Variants in DRG1 observed in about 807,000 individuals in gnomAD.
The protein encoded by DRG1 is developmentally regulated GTP binding protein 1.
Under a neutral mutation model 38.8 loss-of-function variants are expected in DRG1, and 19 were observed. The ratio of observed to expected loss-of-function variants is 0.49; its 90% CI spans 0.34 to 0.72. DRG1 has a LOEUF of 0.72. Among genes scored for constraint, DRG1 ranks in the 30% least tolerant of loss-of-function variants. The pLI is 0.01. For synonymous variants in DRG1, 167 were observed against 157.5 expected (o/e 1.06, Z -0.45); for missense variants, 299 against 444.8 (o/e 0.67, Z 2.95).
At chr22:31,431,347 G>A (rs2050138797) in intron 8 of DRG1, among the ~76,000 whole-genome samples, 3 of 151,836 alleles carry the variant, frequency 2.0e-5, no homozygotes, top group Admixed American at 1.3e-4. Flanking sequence ...TTTTTTTTCT[G>A]AATAGGAAAA....
At chr22:31,430,827 TCCTA>T (rs1354529187) in intron 8 of DRG1, among the ~76,000 whole-genome samples, 2 of 151,752 alleles carry the variant, frequency 1.3e-5, no homozygotes, top group African/African-American at 4.8e-5. Flanking sequence ...CAAGCGATCC[TCCTA>T]CCTCAGTTTC....
chr22:31,408,016 C>T (rs2049998495), intron 3 of DRG1, among the ~76,000 whole-genome samples: 2 of 150,320 alleles, frequency 1.3e-5, no homozygotes, highest in Non-Finnish European at 3.0e-5. Context: ...ATCCCAGCTA[C>T]TCGGGAGGCT....
At position 31,409,398 on chromosome 22, in the gene DRG1, A is replaced by AT. The variant is rs557155015; in HGVS notation, c.343-1608dup. On this transcript the variant is annotated intron_variant, in intron 3 of 8. Transcript: ENST00000331457. ...GTTACTGGGCCCAGCCTGAGCAGTCATTTTTTACTGGGGACATACATCAGA... is the reference window on the plus strand; with the variant it reads ...GTTACTGGGCCCAGCCTGAGCAGTCATTTTTTTACTGGGGACATACATCAGA... 3.5e-4 allele frequency among the ~76,000 whole-genome samples: 54 copies of AT among 152,130 alleles called. No individual in the cohort carries two copies. The South Asian group carries it at 0.011, about 30-fold the overall frequency.
intron 8 of DRG1, among the ~76,000 whole-genome samples, chr22:31,432,819 A>G (rs867174336): frequency 6.6e-6 from 1 of 152,130 alleles, no homozygotes; most frequent in Non-Finnish European, 1.5e-5. Flanking sequence ...TCAGCCTCCC[A>G]AAGTGCTGGA....
intron 2 of DRG1, 83 bp from the exon 3 acceptor site, chr22:31,402,946 C>A: frequency 7.0e-7 from 1 of 1,432,786 alleles, no homozygotes; most frequent in South Asian, 1.4e-5. Context: ...GAGGGATAGG[C>A]AGTAAAAATG....
At chr22:31,403,803 C>T (rs1395241401) in intron 3 of DRG1, among the ~76,000 whole-genome samples, 1 of 151,850 alleles carries the variant, frequency 6.6e-6, no homozygotes, top group Non-Finnish European at 1.5e-5. Context: ...TTTTAATGAC[C>T]CTTTTTCCAG....
At position 31,426,719 on chromosome 22, in the gene DRG1, A is replaced by G. The variant is rs936122853; in HGVS notation, c.818A>G (p.His273Arg). 4 of 1,614,098 alleles carry G rather than the reference A, an allele frequency of 2.5e-6. No individual in the cohort carries two copies. Among genetic ancestry groups the G allele is most frequent in the Non-Finnish European group, 2.5e-6 (3 of 1,180,050 alleles). The change falls in exon 7 of 9, where the codon CAT becomes CGT. Residue 273 changes from histidine to arginine, a missense_variant. Coordinates refer to ENST00000331457, the MANE Select transcript of DRG1 (RefSeq NM_004147.4). ...CCTCACTGTGTACCCATCTCTGCCC[A>G]TCACCGCTGGAATTTTGATGACCTA... ...KVPHCVPISAHHRWNFDDLLE... is the reference protein window; with the variant it reads ...KVPHCVPISARHRWNFDDLLE...
intron 8 of DRG1, among the ~76,000 whole-genome samples, chr22:31,431,189 C>CATG (rs1304709913): frequency 6.6e-6 from 1 of 151,874 alleles, no homozygotes; most frequent in African/African-American, 2.4e-5. Flanking sequence ...TGCCTGCCAC[C>CATG]ATGCCTGGCT....
In DRG1 at chr22:31,399,608, G is replaced by A; in HGVS notation, c.-76G>A. ...AGTACCGCGCCTGCGTGCTGCAGTA[G>A]CGCCTGGTGGCGGTGGCAGTTTGCC... On this transcript the variant is annotated 5_prime_UTR_variant, in exon 1 of 9. Transcript: ENST00000331457. 6.2e-7 allele frequency: 1 copy of A among 1,600,792 alleles called. No individual in the cohort carries two copies.
intron 3 of DRG1, among the ~76,000 whole-genome samples, chr22:31,408,506 G>T (rs1380813608): frequency 6.6e-6 from 1 of 151,714 alleles, no homozygotes; most frequent in Non-Finnish European, 1.5e-5. Context: ...CCAGCACTTT[G>T]GGAGACTGAC....
In DRG1 at chr22:31,420,313, A is replaced by G; in HGVS notation, c.470A>G (p.His157Arg). The change falls in exon 5 of 9, where the codon CAT (histidine) becomes CGT (arginine). Residue 157 changes from histidine (H) to arginine (R), a missense_variant. Coordinates refer to ENST00000331457, the MANE Select transcript of DRG1 (RefSeq NM_004147.4). ...CTGGATGTCCTGAAACCTTTGGGAC[A>G]TAAGAAGATAATTGAAAATGAGCTG... ...IVLDVLKPLGHKKIIENELEG... is the reference protein window; with the variant it reads ...IVLDVLKPLGRKKIIENELEG... 6.2e-7 allele frequency: 1 copy of G among 1,614,200 alleles called. No individual in the cohort carries two copies. Among genetic ancestry groups the G allele is most frequent in the Non-Finnish European group, 8.5e-7 (1 of 1,180,040 alleles).
chr22:31,407,978 T>C lies in DRG1; in HGVS notation c.343-3034T>C, dbSNP rs571938889. 4.0e-5 allele frequency among the ~76,000 whole-genome samples: 6 copies of C among 149,470 alleles called. No individual in the cohort carries two copies. The South Asian group carries it at 1.3e-3, about 32-fold the overall frequency. On this transcript the variant is annotated intron_variant, in intron 3 of 8. Coordinates refer to ENST00000331457, the MANE Select transcript of DRG1 (RefSeq NM_004147.4). ...TCTACTAAAAATACACAAAAAAAAT[T>C]AGTGGGGCATGGTGGCGGGCACCTG...
rs2050070054 is a variant in DRG1 at position 31,420,383 on chromosome 22, C to T, written c.540C>T (p.Gly180=). 1 of 1,614,042 alleles carries T rather than the reference C, an allele frequency of 6.2e-7. No individual in the cohort carries two copies. The highest frequency in any genetic ancestry group is 8.5e-7 in the Non-Finnish European group (1 of 1,180,044). ...IRLNSKPPNI[G]FKKKDKGGIN... ...TGAACAGCAAACCCCCCAACATTGG[C>T]TTTAAGAAGAAGGACAAGGGAGGCA... is the stretch of plus-strand genomic sequence containing the variant. The change falls in exon 5 of 9, where the codon GGC becomes GGT. Residue 180 remains glycine, a synonymous_variant. Coordinates refer to ENST00000331457, the MANE Select transcript of DRG1 (RefSeq NM_004147.4).
chr22:31,427,117 C>T lies in DRG1; in HGVS notation c.939C>T (p.Tyr313=), dbSNP rs1332768598. The part of the protein sequence containing the change: ...PDYTSPVVLP[Y]SRTTVEDFCM... Reference sequence around the variant, plus strand: ...ACACATCCCCAGTGGTGCTTCCTTACTCCAGGACCACAGTGGAGGATTTCT... The same window carrying T: ...ACACATCCCCAGTGGTGCTTCCTTATTCCAGGACCACAGTGGAGGATTTCT... The change falls in exon 8 of 9, where the codon TAC becomes TAT. Residue 313 remains tyrosine (Y), a synonymous_variant. Transcript: ENST00000331457. 3 of 1,614,158 alleles carry T rather than the reference C, an allele frequency of 1.9e-6. No individual in the cohort carries two copies. The highest frequency in any genetic ancestry group is 1.7e-5 in the Admixed American group (1 of 60,018).
chr22:31,428,996 G>C (rs2145871645), intron 8 of DRG1, among the ~76,000 whole-genome samples: 1 of 152,078 alleles, frequency 6.6e-6, no homozygotes. Flanking sequence ...TGTAGGGTGG[G>C]TTTCTCTGCC....
chr22:31,420,646 A>C (rs530662815), intron 5 of DRG1, among the ~76,000 whole-genome samples: 4 of 152,280 alleles, frequency 2.6e-5, no homozygotes, highest in Non-Finnish European at 5.9e-5. Flanking sequence ...TGGATTATCT[A>C]TTGGGAATGA....
In DRG1 at chr22:31,411,795, G is replaced by A. The variant is rs540806459; in HGVS notation, c.412+714G>A. Among the ~76,000 whole-genome samples the A allele has an allele frequency of 6.1e-4, 92 of 151,684 alleles. 1 individual carries two copies. The South Asian group carries it at 0.018, about 30-fold the overall frequency. ...GTCTCCCAGAGTGCTGTCCTTTCAT[G>A]TTTGAAGGTTATTTTTATTTTACCC... On this transcript the variant is annotated intron_variant, in intron 4 of 8. Coordinates refer to ENST00000331457, the MANE Select transcript of DRG1 (RefSeq NM_004147.4).
chr22:31,404,614 C>T (rs1414716590), intron 3 of DRG1, among the ~76,000 whole-genome samples: 1 of 151,252 alleles, frequency 6.6e-6, no homozygotes, highest in Non-Finnish European at 1.5e-5. Flanking sequence ...TGTGTAATTC[C>T]ATGTTTTTTT....
chr22:31,403,345 G>A (rs1003126244), intron 3 of DRG1, 141 bp downstream of exon 3: 21 of 939,126 alleles, frequency 2.2e-5, no homozygotes, highest in African/African-American at 6.7e-5. Flanking sequence ...AGAGCAGTAC[G>A]ATAATAAAAT....
Sources: allele counts gnomAD v4.1 joint callset (sites outside exome capture counted in the v4.1 genomes callset), GRCh38; gene constraint gnomAD v4.1.1; transcripts MANE v1.5; gene names NCBI Gene and HGNC (gene_info 2026-07-23, HGNC 2026-07-21).